The following FHIT variants were observed in gnomAD, a reference collection of about 807,000 sequenced individuals.
FHIT encodes fragile histidine triad diadenosine triphosphatase.
A neutral mutation model predicts 17.9 loss-of-function variants in FHIT; 19 were observed. That is an observed-to-expected ratio of 1.06 (90% confidence interval 0.74 to 1.56). FHIT has a LOEUF of 1.56. Among genes scored for constraint, FHIT ranks in the 40% most tolerant of loss-of-function variants. The pLI is 0.00. For missense variants in FHIT, 248 were observed against 189.2 expected (o/e 1.31, Z -1.82); for synonymous variants, 81 against 69.7 (o/e 1.16, Z -0.81).
At chr3:60,075,881 C>G (rs1218671963) in intron 5 of FHIT, among the ~76,000 whole-genome samples, 1 of 152,054 alleles carries the variant, frequency 6.6e-6, no homozygotes, top group Non-Finnish European at 1.5e-5. Flanking sequence ...TAATGATGTC[C>G]CTTTTTGATC....
intron 8 of FHIT, among the ~76,000 whole-genome samples, chr3:59,826,074 C>G (rs1320717129): frequency 6.6e-6 from 1 of 152,130 alleles, no homozygotes; most frequent in East Asian, 1.9e-4. Flanking sequence ...AGTTTAATTC[C>G]ACAGTATGGT....
At chr3:59,883,534 C>T (rs1703493181) in intron 8 of FHIT, among the ~76,000 whole-genome samples, 1 of 152,168 alleles carries the variant, frequency 6.6e-6, no homozygotes, top group East Asian at 1.9e-4. Context: ...GGGGAAACTG[C>T]CCCCATGATT....
chr3:60,377,113 G>C (rs772216960), intron 5 of FHIT, among the ~76,000 whole-genome samples: 1 of 151,976 alleles, frequency 6.6e-6, no homozygotes, highest in African/African-American at 2.4e-5. Context: ...CCTAAAGAAA[G>C]CTGTGTTCAG....
At chr3:59,898,594 A>G (rs551289516) in intron 8 of FHIT, among the ~76,000 whole-genome samples, 1 of 152,262 alleles carries the variant, frequency 6.6e-6, no homozygotes, top group East Asian at 1.9e-4. Flanking sequence ...CTAGAATGTA[A>G]CAAGCAGCTG....
At chr3:60,666,864 CTTT>C (rs71092626) in intron 4 of FHIT, among the ~76,000 whole-genome samples, 1 of 122,186 alleles carries the variant, frequency 8.2e-6, no homozygotes. Flanking sequence ...CTTTTCTTTT[CTTT>C]TTTTTTTTTT....
At chr3:59,767,097 G>A (rs1437213215) in intron 8 of FHIT, among the ~76,000 whole-genome samples, 2 of 152,112 alleles carry the variant, frequency 1.3e-5, no homozygotes, top group African/African-American at 4.8e-5. Flanking sequence ...TTGGGCCTTG[G>A]GTGGAGAGAA....
intron 4 of FHIT, among the ~76,000 whole-genome samples, chr3:60,752,222 T>G (rs2042481651): frequency 6.6e-6 from 1 of 151,802 alleles, no homozygotes; most frequent in African/African-American, 2.4e-5. Flanking sequence ...TCACTGGGGG[T>G]GGGGGAACAC....
intron 4 of FHIT, among the ~76,000 whole-genome samples, chr3:60,594,086 A>T (rs1553665360): frequency 6.6e-6 from 1 of 152,106 alleles, no homozygotes; most frequent in Admixed American, 6.6e-5. Flanking sequence ...TGTTACTTTT[A>T]ATGTTTCCAG....
chr3:61,168,349 A>G (rs1325409121), intron 2 of FHIT, among the ~76,000 whole-genome samples: 1 of 152,242 alleles, frequency 6.6e-6, no homozygotes, highest in African/African-American at 2.4e-5. Flanking sequence ...ATCCATAGAA[A>G]TAAAAGTAAC....
chr3:59,865,989 G>A (rs999204921), intron 8 of FHIT, among the ~76,000 whole-genome samples: 2 of 152,128 alleles, frequency 1.3e-5, no homozygotes, highest in Non-Finnish European at 2.9e-5. Flanking sequence ...ATGAAAGATG[G>A]CACATGAAAT....
At chr3:60,506,235 C>G (rs552678139) in intron 5 of FHIT, among the ~76,000 whole-genome samples, 1 of 152,260 alleles carries the variant, frequency 6.6e-6, no homozygotes, top group Admixed American at 6.5e-5. Flanking sequence ...TGGTTGATGT[C>G]TATTTTTCAC....
At chr3:60,108,368 T>C (rs1296366532) in intron 5 of FHIT, among the ~76,000 whole-genome samples, 1 of 152,168 alleles carries the variant, frequency 6.6e-6, no homozygotes, top group Non-Finnish European at 1.5e-5. Flanking sequence ...TCTCAGCCAT[T>C]TAAGTCAAAA....
At chr3:60,389,523 T>C (rs1453372641) in intron 5 of FHIT, among the ~76,000 whole-genome samples, 1 of 152,188 alleles carries the variant, frequency 6.6e-6, no homozygotes, top group Admixed American at 6.5e-5. Flanking sequence ...AATGAGTGTC[T>C]GGCTTGGAAG....
At chr3:60,972,351 G>A (rs1710061141) in intron 3 of FHIT, among the ~76,000 whole-genome samples, 1 of 152,088 alleles carries the variant, frequency 6.6e-6, no homozygotes. Flanking sequence ...ATAAAATTCT[G>A]AATTGGCAAT....
intron 5 of FHIT, among the ~76,000 whole-genome samples, chr3:60,532,187 C>T: frequency 6.6e-6 from 1 of 152,128 alleles, no homozygotes; most frequent in African/African-American, 2.4e-5. Flanking sequence ...CATTACACAC[C>T]CTATTCAATT....
chr3:59,988,122 G>C (rs1709067243), intron 7 of FHIT, among the ~76,000 whole-genome samples: 1 of 152,026 alleles, frequency 6.6e-6, no homozygotes, highest in Non-Finnish European at 1.5e-5. Flanking sequence ...ACTCTTCCTG[G>C]AAATCTGGAA....
At chr3:61,211,166 G>A (rs1401228230) in intron 1 of FHIT, among the ~76,000 whole-genome samples, 1 of 151,744 alleles carries the variant, frequency 6.6e-6, no homozygotes, top group African/African-American at 2.4e-5. Context: ...GACAGTGGTT[G>A]CAGAGCACCG....
intron 8 of FHIT, among the ~76,000 whole-genome samples, chr3:59,863,039 A>C (rs1478184364): frequency 6.6e-6 from 1 of 152,248 alleles, no homozygotes; most frequent in East Asian, 1.9e-4. Flanking sequence ...TAAAGATGGA[A>C]GCCAGGGGAC....
At chr3:60,278,223 A>G (rs547708698) in intron 5 of FHIT, among the ~76,000 whole-genome samples, 8 of 152,282 alleles carry the variant, frequency 5.3e-5, no homozygotes, top group African/African-American at 1.9e-4. Context: ...TCATGTTCTC[A>G]TGGGGAAGTC....
Sources: allele counts gnomAD v4.1 joint callset (sites outside exome capture counted in the v4.1 genomes callset), GRCh38; gene constraint gnomAD v4.1.1; transcripts MANE v1.5; gene names NCBI Gene and HGNC (gene_info 2026-07-23, HGNC 2026-07-21).